The following PRR14L variants were observed in gnomAD, a reference collection of about 807,000 sequenced individuals.
PRR14L encodes protein PRR14L.
Under a neutral mutation model 155.0 loss-of-function variants are expected in PRR14L, and 80 were observed. The ratio of observed to expected loss-of-function variants is 0.52; its 90% CI spans 0.43 to 0.62. The LOEUF (loss-of-function observed/expected upper bound fraction) is 0.62, where lower values mean the gene tolerates loss of function less well. Ranked by LOEUF, PRR14L falls within the 20% of genes least tolerant of loss-of-function variation. The pLI is 0.00. For missense variants in PRR14L, 2,469 were observed against 2,548.0 expected (o/e 0.97, Z 0.67); for synonymous variants, 883 against 916.0 (o/e 0.96, Z 0.65).
At chr22:31,742,000 G>A (rs2074815622) in intron 1 of PRR14L, among the ~76,000 whole-genome samples, 1 of 152,182 alleles carries the variant, frequency 6.6e-6, no homozygotes, top group Non-Finnish European at 1.5e-5. Flanking sequence ...TGTGTAAGGT[G>A]GGGGATGGGG....
Position 31,713,085 on chromosome 22 carries a change from C to G in PRR14L, c.4754G>C (p.Ser1585Thr). Residue 1585 changes from serine (S) to threonine (T), a missense_variant, in exon 4 of 9, where the codon AGC (serine) becomes ACC (threonine). By Grantham distance (58) the Ser-to-Thr change is moderately conservative. Around this residue, in one of 2 missense-constraint regions of PRR14L, gnomAD observed 2,363 missense variants for 2,371.6 expected, o/e 1.00. Coordinates refer to ENST00000327423, the MANE Select transcript of PRR14L (RefSeq NM_173566.3). ...RLEPETAPTK[S>T]LVSHIPKQMS... ...CTGCTTTGGTATGTGACTAACCAAG[C>G]TCTTGGTAGGTGCTGTTTCAGGTTC... is the stretch of plus-strand genomic sequence containing the variant. The G allele has an allele frequency of 6.4e-7, 1 of 1,552,318 alleles. No homozygotes were observed. The highest frequency in any genetic ancestry group is 8.7e-7 in the Non-Finnish European group (1 of 1,147,138).
At chr22:31,724,631 T>TAAGCAATCCTCCCACCCTGGCCTC (rs1359193354) in intron 3 of PRR14L, among the ~76,000 whole-genome samples, 1 of 152,128 alleles carries the variant, frequency 6.6e-6, no homozygotes, top group East Asian at 1.9e-4. Flanking sequence ...CTCTTGGACT[T>TAAGCAATCCTCCCACCCTGGCCTC]AAGCAATCCT....
At position 31,714,177 on chromosome 22, in the gene PRR14L, G is replaced by T; in HGVS notation, c.3662C>A (p.Ser1221Ter). ...AGAGCTTTCATCATGGCAAGACATC[G>T]ACTCTTTTGAGGAAATTCCAAAGGT... ...ESTFGISSKESMSCHDESSVS... is the reference protein window; with the variant it reads ...ESTFGISSKE The change falls in exon 4 of 9, where the codon TCG (serine) becomes TAG (stop). Residue 1221 changes from serine to a stop codon, truncating the protein, a stop_gained. Coordinates refer to ENST00000327423, the MANE Select transcript of PRR14L (RefSeq NM_173566.3). LOFTEE classifies it high-confidence loss of function. 1 of 1,551,306 alleles carries T rather than the reference G, an allele frequency of 6.4e-7. No individual in the cohort carries two copies. Among genetic ancestry groups the T allele is most frequent in the Non-Finnish European group, 8.7e-7 (1 of 1,146,876 alleles).
Position 31,738,911 on chromosome 22 carries a change from C to G in PRR14L, c.-51G>C. 1 of 1,255,868 alleles carries G rather than the reference C, an allele frequency of 8.0e-7. No homozygotes were observed. Among genetic ancestry groups the G allele is most frequent in the Non-Finnish European group, 1.1e-6 (1 of 911,954 alleles). The allele number at this position is 1,255,868 out of a possible 1,614,324, so 77.8% of individuals were successfully genotyped here. Reference sequence around the variant, plus strand: ...AAGTCTTTTACATCAAATGATTCACCCTGACACAAATCACAGGAAGGGATA... The same window carrying G: ...AAGTCTTTTACATCAAATGATTCACGCTGACACAAATCACAGGAAGGGATA... On this transcript the variant is annotated splice_region_variant and 5_prime_UTR_variant, in exon 2 of 9. Transcript: ENST00000327423.
chr22:31,746,872 C>T (rs2074841375), intron 1 of PRR14L, among the ~76,000 whole-genome samples: 1 of 150,950 alleles, frequency 6.6e-6, no homozygotes, highest in Non-Finnish European at 1.5e-5. Context: ...TCTTGGCTCA[C>T]TGCAAGCTCT....
At chr22:31,707,327 TG>T (rs1268429068) in intron 4 of PRR14L, among the ~76,000 whole-genome samples, 3 of 151,748 alleles carry the variant, frequency 2.0e-5, no homozygotes, top group African/African-American at 7.3e-5. Flanking sequence ...CAGGGTGAAA[TG>T]AGTAACTACC....
At position 31,715,944 on chromosome 22, in the gene PRR14L, A is replaced by G. The variant is rs2074656582; in HGVS notation, c.1895T>C (p.Met632Thr). ...TTCATTGGTACAAGAAAGTTCATTC[A>G]TCTCACAGGCTATGCTCTGTTCATC... ...LLDEQSIACEMNELSCTNELV... is the reference protein window; with the variant it reads ...LLDEQSIACETNELSCTNELV... The change falls in exon 4 of 9, where the codon ATG becomes ACG. Residue 632 changes from methionine to threonine, a missense_variant. Around this residue, in one of 2 missense-constraint regions of PRR14L, gnomAD observed 2,363 missense variants for 2,371.6 expected, o/e 1.00. Transcript: ENST00000327423. 2 of 1,551,662 alleles carry G rather than the reference A, an allele frequency of 1.3e-6. No homozygotes were observed. Among genetic ancestry groups the G allele is most frequent in the Non-Finnish European group, 8.7e-7 (1 of 1,146,978 alleles).
Position 31,714,319 on chromosome 22 carries a change from A to G in PRR14L, c.3520T>C (p.Leu1174=). Residue 1174 remains leucine, a synonymous_variant, in exon 4 of 9, where the codon TTG becomes CTG. Coordinates refer to ENST00000327423, the MANE Select transcript of PRR14L (RefSeq NM_173566.3). ...CCATAATGGCTATCATTTAAAGACA[A>G]ATTTACTCTGCCCAATATTCTTTTA... ...PNKRILGRVN[L]SLNDSHYGQQ... The G allele has an allele frequency of 6.4e-7, 1 of 1,551,682 alleles. No individual in the cohort carries two copies. Among genetic ancestry groups the G allele is most frequent in the East Asian group, 2.4e-5 (1 of 40,914 alleles).
At chr22:31,702,689 T>A (rs2074568668) in intron 6 of PRR14L, among the ~76,000 whole-genome samples, 1 of 151,882 alleles carries the variant, frequency 6.6e-6, no homozygotes, top group South Asian at 2.1e-4. Context: ...CTAATTTTTG[T>A]ATTTTTAGTA....
At chr22:31,700,726 T>C (rs2074558779) in intron 7 of PRR14L, among the ~76,000 whole-genome samples, 1 of 152,112 alleles carries the variant, frequency 6.6e-6, no homozygotes, top group African/African-American at 2.4e-5. Context: ...CCAGCTTATT[T>C]TGCAGTTTTA....
chr22:31,693,127 AGCTCACCCTT>A (rs377478105), intron 7 of PRR14L, among the ~76,000 whole-genome samples: 1,999 of 152,186 alleles, frequency 0.013, 13 homozygotes, highest in Middle Eastern at 0.031. Flanking sequence ...TTTATGTCAG[AGCTCACCCTT>A]GTTGTTGTCT....
intron 4 of PRR14L, among the ~76,000 whole-genome samples, chr22:31,710,986 A>C (rs188906331): frequency 6.6e-6 from 1 of 152,248 alleles, no homozygotes; most frequent in Admixed American, 6.5e-5. Context: ...TTCATAAACC[A>C]TATCTGGTGA....
chr22:31,699,108 C>G (rs2074550496), intron 7 of PRR14L, among the ~76,000 whole-genome samples: 2 of 152,080 alleles, frequency 1.3e-5, no homozygotes, highest in Non-Finnish European at 2.9e-5. Context: ...GCGACCTCGG[C>G]TCACTGTAAC....
chr22:31,725,014 T>C (rs1283770254), intron 3 of PRR14L, among the ~76,000 whole-genome samples: 1 of 152,170 alleles, frequency 6.6e-6, no homozygotes, highest in Admixed American at 6.5e-5. Context: ...ACTGGGTACA[T>C]GTCTCCCCTG....
chr22:31,699,806 C>G (rs995882671), intron 7 of PRR14L, among the ~76,000 whole-genome samples: 2 of 151,068 alleles, frequency 1.3e-5, no homozygotes, highest in Non-Finnish European at 2.9e-5. Flanking sequence ...ATTGCTTCCA[C>G]CAATTAAATT....
chr22:31,690,239 G>C (rs1047305458), intron 7 of PRR14L, among the ~76,000 whole-genome samples: 3 of 152,038 alleles, frequency 2.0e-5, no homozygotes, highest in African/African-American at 7.2e-5. Flanking sequence ...AGTAGAGATG[G>C]GGTTTTATCA....
chr22:31,686,861 T>C lies in PRR14L; in HGVS notation c.6180-1058A>G, dbSNP rs1413434809. On this transcript the variant is annotated intron_variant, in intron 8 of 8. Transcript: ENST00000327423. The stretch of plus-strand genomic sequence containing the variant: ...ATAAAATCCTACAATTCTCCTTCTA[T>C]ATTCTAGAAACAGTGGGCATTTAAT... 2.0e-5 allele frequency among the ~76,000 whole-genome samples: 3 copies of C among 152,344 alleles called. No homozygotes were observed. The East Asian group carries it at 5.8e-4, about 29-fold the overall frequency.
At chr22:31,728,609 G>GAAA (rs747588484) in intron 2 of PRR14L, among the ~76,000 whole-genome samples, 2 of 94,378 alleles carry the variant, frequency 2.1e-5, no homozygotes, top group Admixed American at 1.2e-4. Flanking sequence ...ACTTCATCTC[G>GAAA]AAAAAAAAAA....
chr22:31,700,159 C>T (rs566470587), intron 7 of PRR14L, among the ~76,000 whole-genome samples: 37 of 152,198 alleles, frequency 2.4e-4, no homozygotes, highest in South Asian at 8.3e-4. Flanking sequence ...AATGCTAGAT[C>T]ACTCTATGAT....
Sources: allele counts gnomAD v4.1 joint callset (sites outside exome capture counted in the v4.1 genomes callset), GRCh38; gene constraint gnomAD v4.1.1; regional missense constraint gnomAD v4.1.1; transcripts MANE v1.5; gene names NCBI Gene and HGNC (gene_info 2026-07-23, HGNC 2026-07-21).